Variants in DTD1 observed in about 807,000 individuals in gnomAD.
The protein encoded by DTD1 is D-tyrosyl-tRNA deacylase 1 homolog.
DTD1 carries 13 observed loss-of-function variants against 25.6 expected under a neutral mutation model. That is an observed-to-expected ratio of 0.51 (90% confidence interval 0.33 to 0.81). The LOEUF (loss-of-function observed/expected upper bound fraction) is 0.81. DTD1 is among the 30% of genes least tolerant of loss of function. The pLI, the probability that DTD1 is intolerant of heterozygous loss-of-function variation, is 0.02. For synonymous variants in DTD1, 110 were observed against 103.6 expected (o/e 1.06, Z -0.37); for missense variants, 193 against 266.4 (o/e 0.72, Z 1.92).
intron 4 of DTD1, among the ~76,000 whole-genome samples, chr20:18,700,347 C>T (rs2061098999): frequency 6.6e-6 from 1 of 152,218 alleles, no homozygotes; most frequent in African/African-American, 2.4e-5. Context: ...CATCATTTGA[C>T]TGTCTTCAGT....
chr20:18,717,405 G>A (rs985097268), intron 4 of DTD1, among the ~76,000 whole-genome samples: 3 of 152,156 alleles, frequency 2.0e-5, no homozygotes, highest in Non-Finnish European at 4.4e-5. Context: ...TACAGTCTGT[G>A]TATAAGTTTT....
At chr20:18,590,404 AT>A (rs5840818) in intron 1 of DTD1, among the ~76,000 whole-genome samples, 47,776 of 151,694 alleles carry the variant, frequency 0.31, 8,198 homozygotes, top group South Asian at 0.43. Context: ...GGTCAAACAC[AT>A]TTTTTTTTAT....
intron 3 of DTD1, among the ~76,000 whole-genome samples, chr20:18,627,542 G>A (rs184631694): frequency 1.1e-3 from 167 of 152,256 alleles, no homozygotes; most frequent in African/African-American, 3.6e-3. Context: ...TGTTGGGCAC[G>A]CAGCAGCCTC....
chr20:18,724,451 C>A (rs947661548), intron 4 of DTD1, among the ~76,000 whole-genome samples: 1 of 152,016 alleles, frequency 6.6e-6, no homozygotes, highest in Non-Finnish European at 1.5e-5. Context: ...ATTCTATTGC[C>A]CAAGACCTCA....
intron 4 of DTD1, among the ~76,000 whole-genome samples, chr20:18,719,367 G>A (rs147796018): frequency 0.013 from 1,906 of 152,290 alleles, 19 homozygotes; most frequent in African/African-American, 0.019. Flanking sequence ...TATTAGTGCA[G>A]ATCTAAAGGC....
intron 3 of DTD1, chr20:18,611,188 A>G (rs953270624): frequency 1.3e-5 from 2 of 152,214 alleles, no homozygotes; most frequent in Admixed American, 6.5e-5. Context: ...TTTTAATCAA[A>G]ATTTATTTCC....
chr20:18,588,845 G>C (rs2060577151), intron 1 of DTD1: 1 of 985,320 alleles, frequency 1.0e-6, no homozygotes, highest in African/African-American at 1.7e-5. Flanking sequence ...AGGTCCAGAT[G>C]ATTAGTGTAG....
chr20:18,699,499 TC>T (rs1289896365), intron 4 of DTD1, among the ~76,000 whole-genome samples: 1 of 151,986 alleles, frequency 6.6e-6, no homozygotes, highest in African/African-American at 2.4e-5. Flanking sequence ...CATGGGGAGG[TC>T]CGGCCTTCAA....
chr20:18,660,692 A>G (rs1451429599), intron 4 of DTD1, among the ~76,000 whole-genome samples: 1 of 152,238 alleles, frequency 6.6e-6, no homozygotes, highest in African/African-American at 2.4e-5. Context: ...AAAATATTAA[A>G]TAAATCCAGG....
intron 5 of DTD1, among the ~76,000 whole-genome samples, chr20:18,762,736 C>T (rs1413285081): frequency 6.6e-6 from 1 of 152,102 alleles, no homozygotes; most frequent in Non-Finnish European, 1.5e-5. Context: ...TGTCTTCTCT[C>T]TTTTCTGGGT....
At chr20:18,708,254 A>T (rs1255777928) in intron 4 of DTD1, among the ~76,000 whole-genome samples, 3 of 26,266 alleles carry the variant, frequency 1.1e-4, no homozygotes, top group Admixed American at 6.0e-4. Context: ...AATATATATT[A>T]TATATATATT....
intron 5 of DTD1, 100 bp downstream of exon 5, chr20:18,744,371 C>T (rs540049552): frequency 2.5e-5 from 32 of 1,278,696 alleles, no homozygotes; most frequent in East Asian, 1.8e-4. Flanking sequence ...CATTTCACAG[C>T]GTTCATCCAT....
intron 4 of DTD1, among the ~76,000 whole-genome samples, chr20:18,714,745 T>G (rs4813340): frequency 0.18 from 27,277 of 152,106 alleles, 2,645 homozygotes; most frequent in East Asian, 0.35. Context: ...AAGATTAGTT[T>G]TGATGAATCA....
intron 4 of DTD1, chr20:18,643,311 G>A: frequency 3.3e-6 from 1 of 306,452 alleles, no homozygotes. Context: ...GTTGAGAGGT[G>A]CTGTAGGTAG....
At chr20:18,709,461 G>A (rs993632511) in intron 4 of DTD1, among the ~76,000 whole-genome samples, 3 of 152,100 alleles carry the variant, frequency 2.0e-5, no homozygotes, top group South Asian at 4.1e-4. Context: ...TCTGGAAGGT[G>A]TTGAAAAATC....
At chr20:18,698,250 T>C (rs906141502) in intron 4 of DTD1, among the ~76,000 whole-genome samples, 1 of 152,252 alleles carries the variant, frequency 6.6e-6, no homozygotes, top group African/African-American at 2.4e-5. Flanking sequence ...ACAGAAAATA[T>C]TAAACACATG....
intron 4 of DTD1, among the ~76,000 whole-genome samples, chr20:18,683,205 T>G (rs1370816096): frequency 6.6e-6 from 1 of 152,126 alleles, no homozygotes; most frequent in African/African-American, 2.4e-5. Flanking sequence ...TCTGGCAGCT[T>G]TTCAGGTGGT....
At chr20:18,592,426 A>C (rs2060593124) in intron 1 of DTD1, 1 of 152,166 alleles carries the variant, frequency 6.6e-6, no homozygotes, top group Non-Finnish European at 1.5e-5. Flanking sequence ...ATAGTACACT[A>C]TGCTGACCTG....
In DTD1 at chr20:18,680,352, C is replaced by CT. The variant is rs773669448; in HGVS notation, c.477+52135dup. Among the ~76,000 whole-genome samples the CT allele has an allele frequency of 9.7e-4, 130 of 133,794 alleles. 1 individual carries two copies. Among genetic ancestry groups the CT allele is most frequent in the East Asian group, 3.5e-3 (16 of 4,518 alleles). 87.8% of individuals were successfully genotyped at this position (133,794 alleles called of 152,430 possible). A position where few individuals can be genotyped will look rare whatever the true frequency, so the allele number is the denominator to read the frequency against. On this transcript the variant is annotated intron_variant, in intron 4 of 5. Transcript: ENST00000377452. ...GGTGTGTGCCACCATGACTGGCTAACTTTTTTTTTTTTTTTTAATTTTGTA... is the reference window on the plus strand; with the variant it reads ...GGTGTGTGCCACCATGACTGGCTAACTTTTTTTTTTTTTTTTTAATTTTGTA...
Sources: allele counts gnomAD v4.1 joint callset (sites outside exome capture counted in the v4.1 genomes callset), GRCh38; gene constraint gnomAD v4.1.1; transcripts MANE v1.5; gene names NCBI Gene and HGNC (gene_info 2026-07-23, HGNC 2026-07-21).